CENPI: variants seen among roughly 807,000 people sequenced by gnomAD.
CENPI encodes the protein centromere protein I, also known as FSH primary response 1.
Under a neutral mutation model 60.4 loss-of-function variants are expected in CENPI, and 4 were observed. The ratio of observed to expected loss-of-function variants is 0.07; its 90% CI spans 0.03 to 0.15. CENPI has a LOEUF of 0.15. Among genes scored for constraint, CENPI ranks in the 10% least tolerant of loss-of-function variants. CENPI has a pLI of 1.00. For missense variants in CENPI, 444 were observed against 534.5 expected, an observed-to-expected ratio of 0.83 and a Z score of 1.67; for synonymous variants, 157 against 189.4, an observed-to-expected ratio of 0.83 and a Z score of 1.40.
At chrX:101,131,191 T>G (rs2089792394) in intron 13 of CENPI, among the ~76,000 whole-genome samples, 1 of 110,657 alleles carries the variant, frequency 9.0e-6, no homozygotes, top group South Asian at 3.8e-4. Flanking sequence ...TGTATTTTTT[T>G]GTAAAAACGG....
At chrX:101,177,993 G>A in the CENPI span, among the ~76,000 whole-genome samples, 1 of 111,813 alleles carries the variant, frequency 8.9e-6, no homozygotes, top group East Asian at 2.8e-4. Flanking sequence ...CCCAGTGTGA[G>A]CCCCCTCTCT....
intron 20 of CENPI, among the ~76,000 whole-genome samples, chrX:101,156,112 A>G (rs1296337453): frequency 1.8e-5 from 2 of 110,678 alleles, no homozygotes; most frequent in Non-Finnish European, 3.8e-5. Flanking sequence ...TCCTGGGTTC[A>G]AGTAATTCTC....
At chrX:101,145,443 ACTGGC>A (rs747443971) in intron 17 of CENPI, among the ~76,000 whole-genome samples, 10 of 110,871 alleles carry the variant, frequency 9.0e-5, no homozygotes, top group Non-Finnish European at 1.7e-4. Flanking sequence ...CTGTGTTAAT[ACTGGC>A]CCTAGAGAGA....
At chrX:101,130,133 T>C in intron 13 of CENPI, 60 bp downstream of exon 13, 2 of 891,464 alleles carry the variant, frequency 2.2e-6, no homozygotes, top group Non-Finnish European at 3.3e-6. Context: ...TATTTAGATA[T>C]CCATTGAAAA....
Position 101,164,084 on chromosome X carries a change from T to C in CENPI, c.*1117T>C, listed in dbSNP as rs2090132857. 9.0e-6 allele frequency among the ~76,000 whole-genome samples: 1 copy of C among 111,064 alleles called. No individual in the cohort carries two copies. The highest frequency in any genetic ancestry group is 1.9e-5 in the Non-Finnish European group (1 of 52,986). ...ATTCTCCCTTCTAGTAAAATTCGTA[T>C]CATTTGAGAAGAATCAAGCTGAATT... On this transcript the variant is annotated 3_prime_UTR_variant, in exon 22 of 22. Coordinates refer to ENST00000682095, the MANE Select transcript of CENPI (RefSeq NM_001386188.2).
chrX:101,151,720 G>A (rs1314928294), intron 20 of CENPI, among the ~76,000 whole-genome samples: 1 of 108,262 alleles, frequency 9.2e-6, no homozygotes, highest in Non-Finnish European at 1.9e-5. Flanking sequence ...TGTAGTCCCA[G>A]CTACTCAGGA....
chrX:101,152,253 C>T (rs993998082), intron 20 of CENPI, among the ~76,000 whole-genome samples: 9 of 109,000 alleles, frequency 8.3e-5, no homozygotes, highest in Non-Finnish European at 1.3e-4. Flanking sequence ...TTAGTAGAGA[C>T]GGGGTTTCAC....
downstream of CENPI, among the ~76,000 whole-genome samples, chrX:101,167,708 G>T (rs2090147864): frequency 1.8e-5 from 2 of 112,004 alleles, no homozygotes; most frequent in Admixed American, 1.9e-4. Context: ...TCTGGAGAGT[G>T]ATCAGAAGAT....
chrX:101,113,014 A>T (rs1444672468), intron 6 of CENPI, among the ~76,000 whole-genome samples: 1 of 104,641 alleles, frequency 9.6e-6, no homozygotes, highest in African/African-American at 3.5e-5. Flanking sequence ...GATTGACCGT[A>T]GTTTCTTTCC....
intron 6 of CENPI, among the ~76,000 whole-genome samples, chrX:101,113,282 TACACACACACACACACACACACAC>T (rs533672702): frequency 1.2e-5 from 1 of 84,003 alleles, no homozygotes; most frequent in Non-Finnish European, 2.3e-5. Context: ...TCCATCCCTT[TACACACACACACACACACACACAC>T]ACACACACAC....
In CENPI at chrX:101,165,634, C is replaced by T. The variant is rs773339662; in HGVS notation, c.*2667C>T. 9.0e-6 allele frequency among the ~76,000 whole-genome samples: 1 copy of T among 111,116 alleles called. No homozygotes were observed. Among genetic ancestry groups the T allele is most frequent in the Non-Finnish European group, 1.9e-5 (1 of 53,030 alleles). On this transcript the variant is annotated 3_prime_UTR_variant, in exon 22 of 22. Transcript: ENST00000682095. ...TAACCATGACTTTGGATGAGATCAC[C>T]TAGTACAGCTAGAGAAGAGAAGGTA...
chrX:101,129,292 T>C (rs1266556208), intron 12 of CENPI, among the ~76,000 whole-genome samples: 3 of 111,706 alleles, frequency 2.7e-5, no homozygotes, highest in Non-Finnish European at 5.6e-5. Flanking sequence ...AAATTTGTCA[T>C]TAGAAGATTT....
chrX:101,181,855 G>C, the CENPI span, among the ~76,000 whole-genome samples: 1 of 112,435 alleles, frequency 8.9e-6, no homozygotes, highest in South Asian at 3.6e-4. Context: ...TCCCTTTATT[G>C]TTCCTGAACT....
intron 15 of CENPI, among the ~76,000 whole-genome samples, chrX:101,138,167 TA>T (rs1427670984): frequency 1.0e-5 from 1 of 98,389 alleles, no homozygotes; most frequent in Non-Finnish European, 2.0e-5. Flanking sequence ...TTTGTATTTT[TA>T]GTAGAGATGG....
chrX:101,140,425 T>C (rs2089904603), intron 15 of CENPI, among the ~76,000 whole-genome samples: 1 of 112,258 alleles, frequency 8.9e-6, no homozygotes, highest in South Asian at 3.7e-4. Context: ...AGGTCTGTTC[T>C]AGGCTGATAA....
downstream of CENPI, among the ~76,000 whole-genome samples, chrX:101,169,849 CAAAA>C (rs935479570): frequency 9.1e-6 from 1 of 109,545 alleles, no homozygotes; most frequent in Non-Finnish European, 1.9e-5. Flanking sequence ...TAATTTTTAA[CAAAA>C]AAGTGAAAAA....
At chrX:101,139,057 G>A (rs2089883753) in intron 15 of CENPI, among the ~76,000 whole-genome samples, 1 of 100,880 alleles carries the variant, frequency 9.9e-6, no homozygotes, top group South Asian at 4.8e-4. Context: ...CCAAAGTGCT[G>A]GGATTACAGA....
chrX:101,136,161 A>G (rs1055678537), intron 15 of CENPI, among the ~76,000 whole-genome samples: 13 of 112,591 alleles, frequency 1.2e-4, no homozygotes, highest in Non-Finnish European at 2.2e-4. Flanking sequence ...GACACTGCTT[A>G]CTTCTAGTTG....
At chrX:101,109,341 A>G (rs2089526896) in intron 4 of CENPI, 132 bp from the exon 5 acceptor site, 8 of 495,566 alleles carry the variant, frequency 1.6e-5, no homozygotes, top group Admixed American at 3.1e-5. Flanking sequence ...ATGGCCTCCC[A>G]AAGTGCTGGG....
Sources: gnomAD v4.1 joint callset for allele counts (sites outside exome capture counted in the v4.1 genomes callset) on GRCh38, gnomAD v4.1.1 for gene constraint, MANE v1.5 for transcripts, NCBI Gene and HGNC (gene_info 2026-07-23, HGNC 2026-07-21) for gene names.